Variants in IQSEC1 observed in about 807,000 individuals in gnomAD.
IQSEC1 encodes IQ motif and Sec7 domain ArfGEF 1.
Under a neutral mutation model 91.0 loss-of-function variants are expected in IQSEC1, and 31 were observed. The ratio of observed to expected loss-of-function variants is 0.34; its 90% CI spans 0.26 to 0.46. The LOEUF (loss-of-function observed/expected upper bound fraction) is 0.46, where lower values mean the gene tolerates loss of function less well. Ranked by LOEUF, IQSEC1 falls within the 20% of genes least tolerant of loss-of-function variation. The pLI is 1.00. For synonymous variants in IQSEC1, 699 were observed against 662.6 expected (o/e 1.05, Z -0.84); for missense variants, 1,388 against 1,575.6 (o/e 0.88, Z 2.02).
intron 1 of IQSEC1, among the ~76,000 whole-genome samples, chr3:12,984,815 ATT>A (rs767194681): frequency 0.01 from 1,065 of 101,946 alleles, 3 homozygotes; most frequent in South Asian, 0.044. Context: ...AAGCAATTAC[ATT>A]TTTTTTTTTT....
chr3:13,141,648 A>G (rs1441353327), intron 2 of IQSEC1, among the ~76,000 whole-genome samples: 1 of 152,226 alleles, frequency 6.6e-6, no homozygotes, highest in Non-Finnish European at 1.5e-5. Flanking sequence ...GGACTCACCC[A>G]GAAGAAAAAG....
intron 3 of IQSEC1, among the ~76,000 whole-genome samples, chr3:12,930,243 G>A (rs1026095345): frequency 1.3e-5 from 2 of 152,200 alleles, no homozygotes; most frequent in Non-Finnish European, 2.9e-5. Context: ...CAAACTCCTA[G>A]TTTCAAGTGA....
intron 1 of IQSEC1, among the ~76,000 whole-genome samples, chr3:13,197,428 C>T (rs1219103380): frequency 6.6e-6 from 1 of 152,124 alleles, no homozygotes. Flanking sequence ...GTGCTGGTGC[C>T]CGGCCCCATC....
At chr3:13,043,678 G>T (rs1369869784) in intron 1 of IQSEC1, among the ~76,000 whole-genome samples, 2 of 152,202 alleles carry the variant, frequency 1.3e-5, no homozygotes, top group Non-Finnish European at 2.9e-5. Flanking sequence ...AACGACTCCA[G>T]GGCAGGGGCC....
At chr3:13,238,017 C>T (rs1283089660) in intron 1 of IQSEC1, among the ~76,000 whole-genome samples, 2 of 152,226 alleles carry the variant, frequency 1.3e-5, no homozygotes, top group African/African-American at 4.8e-5. Flanking sequence ...CACCAGGGTA[C>T]ACCTGGAGGC....
chr3:13,173,591 T>C (rs1229520506), intron 1 of IQSEC1, among the ~76,000 whole-genome samples: 2 of 152,178 alleles, frequency 1.3e-5, no homozygotes, highest in East Asian at 3.8e-4. Flanking sequence ...CTGTGGACAA[T>C]CCCAGAGGGC....
chr3:13,170,451 A>G (rs142408673), intron 1 of IQSEC1, among the ~76,000 whole-genome samples: 200 of 152,348 alleles, frequency 1.3e-3, no homozygotes, highest in African/African-American at 4.2e-3. Context: ...AGCTGTGAGA[A>G]GAAGGCCACC....
intron 1 of IQSEC1, among the ~76,000 whole-genome samples, chr3:12,971,474 T>G (rs1040015111): frequency 9.9e-5 from 15 of 152,192 alleles, no homozygotes; most frequent in Non-Finnish European, 1.8e-4. Context: ...TTAAGTAAAT[T>G]GTATTACACC....
chr3:13,039,485 C>T (rs1216983949), intron 1 of IQSEC1, among the ~76,000 whole-genome samples: 1 of 152,220 alleles, frequency 6.6e-6, no homozygotes, highest in Non-Finnish European at 1.5e-5. Flanking sequence ...CGGAATATGG[C>T]ATCAGGCAAA....
intron 2 of IQSEC1, among the ~76,000 whole-genome samples, chr3:13,156,667 C>T (rs1707090098): frequency 6.6e-6 from 1 of 152,222 alleles, no homozygotes. Flanking sequence ...AGACAAAGTT[C>T]CTGCTGACAT....
In IQSEC1 at chr3:13,030,017, T is replaced by C. The variant is rs918593862; in HGVS notation, c.23+42975A>G. Among the ~76,000 whole-genome samples the C allele has an allele frequency of 4.6e-5, 7 of 152,348 alleles. No homozygotes were observed. The South Asian group carries it at 8.3e-4, about 18-fold the overall frequency. ...TGAGGTCTCGCTACATTAACCAGAC[T>C]GGTCTTGAACTCCTGGCCTCAAGTA... On this transcript the variant is annotated intron_variant, in intron 1 of 13. Transcript: ENST00000613206.
chr3:13,153,203 A>G (rs1439360187), intron 2 of IQSEC1, among the ~76,000 whole-genome samples: 1 of 151,728 alleles, frequency 6.6e-6, no homozygotes, highest in Admixed American at 6.6e-5. Flanking sequence ...TTCCTCTCTC[A>G]GCCCAGAGCC....
At position 12,915,673 on chromosome 3, in the gene IQSEC1, C is replaced by G. The variant is rs199955395; in HGVS notation, c.2081G>C (p.Arg694Pro). The G allele has an allele frequency of 6.2e-7, 1 of 1,614,168 alleles. No individual in the cohort carries two copies. Among genetic ancestry groups the G allele is most frequent in the Non-Finnish European group, 8.5e-7 (1 of 1,180,002 alleles). Residue 694 changes from arginine to proline, a missense_variant, in exon 7 of 14, where the codon CGT becomes CCT. Coordinates refer to ENST00000613206, the MANE Select transcript of IQSEC1 (RefSeq NM_001134382.3). Reference sequence around the variant, plus strand: ...CTCATTGGTCTTTAGCTCTCGCTTACGGATCCGTTCATAGATCCCCATCAG... The same window carrying G: ...CTCATTGGTCTTTAGCTCTCGCTTAGGGATCCGTTCATAGATCCCCATCAG... Reference protein sequence around the residue: ...EMLMGIYERIRKRELKTNEDH... With the variant: ...EMLMGIYERIPKRELKTNEDH...
At chr3:13,075,730 G>A (rs188509629), upstream of IQSEC1, among the ~76,000 whole-genome samples, 9 of 152,342 alleles carry the variant, frequency 5.9e-5, no homozygotes, top group East Asian at 1.7e-3. Context: ...GGGCACGTGG[G>A]TAGTGCCTAC....
At position 12,901,174 on chromosome 3, in the gene IQSEC1, TGTGCTGGGGTGGGTG is replaced by T. The variant is rs1453894538; in HGVS notation, c.3139_3153del (p.His1047_His1051del). On this transcript the variant is annotated inframe_deletion, in exon 14 of 14. Coordinates refer to ENST00000613206, the MANE Select transcript of IQSEC1 (RefSeq NM_001134382.3). Reference sequence around the variant, plus strand: ...TGGTGGTACTGGTGTGCGTGCTGGATGTGCTGGGGTGGGTGGTGGTGGTGGTGATGGTGGTACGGG... The same window carrying T: ...TGGTGGTACTGGTGTGCGTGCTGGATGTGGTGGTGGTGATGGTGGTACGGG... The T allele has an allele frequency of 6.5e-6, 10 of 1,541,042 alleles. No homozygotes were observed. Among genetic ancestry groups the T allele is most frequent in the Admixed American group, 3.9e-5 (2 of 50,804 alleles).
intron 2 of IQSEC1, among the ~76,000 whole-genome samples, chr3:13,117,775 C>A (rs1706360742): frequency 6.6e-6 from 1 of 151,458 alleles, no homozygotes; most frequent in Non-Finnish European, 1.5e-5. Context: ...GTCCCAGGTA[C>A]TCAGGAGGCT....
At chr3:13,138,011 G>A (rs1008354774) in intron 2 of IQSEC1, among the ~76,000 whole-genome samples, 1 of 152,322 alleles carries the variant, frequency 6.6e-6, no homozygotes. Context: ...GGAAGCCAGA[G>A]GGCTGTGCAG....
At chr3:13,001,019 T>C (rs1456058279) in intron 1 of IQSEC1, among the ~76,000 whole-genome samples, 1 of 150,934 alleles carries the variant, frequency 6.6e-6, no homozygotes, top group Non-Finnish European at 1.5e-5. Context: ...GGCTCGACTT[T>C]GGCTCCCTGC....
chr3:13,124,536 T>C (rs1453993536), intron 2 of IQSEC1, among the ~76,000 whole-genome samples: 1 of 152,154 alleles, frequency 6.6e-6, no homozygotes, highest in Non-Finnish European at 1.5e-5. Context: ...AGAGTAGCTG[T>C]TCATCCGTGA....
Sources: allele counts gnomAD v4.1 joint callset (sites outside exome capture counted in the v4.1 genomes callset), GRCh38; gene constraint gnomAD v4.1.1; transcripts MANE v1.5; gene names NCBI Gene and HGNC (gene_info 2026-07-23, HGNC 2026-07-21).